The following ANO10 variants were observed in gnomAD, a reference collection of about 807,000 sequenced individuals.
ANO10 encodes anoctamin 10.
ANO10 carries 77 observed loss-of-function variants against 74.7 expected under a neutral mutation model. That is an observed-to-expected ratio of 1.03 (90% CI 0.86 to 1.25). The LOEUF is 1.25. ANO10 is among the 50% of genes most tolerant of loss of function. The pLI, the probability that ANO10 is intolerant of heterozygous loss-of-function variation, is 0.00. For synonymous variants in ANO10, 279 were observed against 284.9 expected, an observed-to-expected ratio of 0.98 and a Z score of 0.21; for missense variants, 721 against 778.1, an observed-to-expected ratio of 0.93 and a Z score of 0.87.
At chr3:43,381,982 T>C (rs973898455) in intron 12 of ANO10, among the ~76,000 whole-genome samples, 1 of 152,134 alleles carries the variant, frequency 6.6e-6, no homozygotes, top group South Asian at 2.1e-4. Flanking sequence ...GGGTCAACAA[T>C]GAAATCAAGA....
intron 12 of ANO10, among the ~76,000 whole-genome samples, chr3:43,401,590 T>A (rs2092482773): frequency 6.6e-6 from 1 of 152,216 alleles, no homozygotes; most frequent in Non-Finnish European, 1.5e-5. Context: ...TCAGGCAAAA[T>A]GAACTATTAT....
chr3:43,436,327 A>G (rs918124215), intron 11 of ANO10, among the ~76,000 whole-genome samples: 2 of 152,226 alleles, frequency 1.3e-5, no homozygotes, highest in Admixed American at 6.5e-5. Context: ...ATTTGAAGAA[A>G]AACACTCAAA....
chr3:43,374,008 C>T (rs1018089447), intron 12 of ANO10, among the ~76,000 whole-genome samples: 5 of 152,194 alleles, frequency 3.3e-5, no homozygotes, highest in African/African-American at 1.2e-4. Flanking sequence ...CAAATATACA[C>T]GAAATCACCT....
chr3:43,682,041 C>T (rs2084208807), intron 1 of ANO10, among the ~76,000 whole-genome samples: 1 of 152,106 alleles, frequency 6.6e-6, no homozygotes, highest in African/African-American at 2.4e-5. Context: ...AGAGCAAACA[C>T]ATTCAAAAGC....
intron 4 of ANO10, among the ~76,000 whole-genome samples, chr3:43,597,600 CG>C (rs2082150849): frequency 6.6e-6 from 1 of 150,758 alleles, no homozygotes; most frequent in Admixed American, 6.6e-5. Context: ...CATCACACAC[CG>C]GGGCCTGTTG....
intron 12 of ANO10, among the ~76,000 whole-genome samples, chr3:43,414,111 C>G (rs1575715780): frequency 6.6e-6 from 1 of 152,074 alleles, no homozygotes; most frequent in East Asian, 1.9e-4. Context: ...CAAAGATAAA[C>G]AGAAGAAAAG....
At chr3:43,381,640 T>G (rs1379640703) in intron 12 of ANO10, among the ~76,000 whole-genome samples, 8 of 152,202 alleles carry the variant, frequency 5.3e-5, no homozygotes, top group African/African-American at 1.9e-4. Context: ...AATACTCCAC[T>G]GACAGCACTA....
intron 10 of ANO10, among the ~76,000 whole-genome samples, chr3:43,554,855 AC>A (rs567899839): frequency 7.9e-4 from 120 of 152,194 alleles, no homozygotes; most frequent in African/African-American, 2.8e-3. Context: ...CTCTGAGACC[AC>A]CCCAGGACTA....
chr3:43,645,426 T>C (rs914301467), intron 1 of ANO10, among the ~76,000 whole-genome samples: 5 of 151,304 alleles, frequency 3.3e-5, no homozygotes, highest in African/African-American at 1.2e-4. Flanking sequence ...GAGGCAGAGG[T>C]TGTAGTGAGC....
chr3:43,432,700 G>A lies in ANO10; in HGVS notation c.1825C>T (p.Leu609Phe), dbSNP rs760368409. The A allele has an allele frequency of 1.5e-5, 25 of 1,613,784 alleles. No individual in the cohort carries two copies. Among genetic ancestry groups the A allele is most frequent in the Non-Finnish European group, 1.6e-5 (19 of 1,179,838 alleles). Residue 609 changes from leucine to phenylalanine, a missense_variant, in exon 12 of 13, where the codon CTT (leucine) becomes TTT (phenylalanine). Transcript: ENST00000292246. The stretch of plus-strand genomic sequence containing the variant: ...GGCTTATCAGGTATGGCAAATGCAA[G>A]TATAAACTTTAAAGCCAGGAGTGCG... ...EHALLALKFI[L>F]AFAIPDKPRH... is the part of the protein sequence containing the mutation.
chr3:43,397,985 G>T (rs949122028), intron 12 of ANO10, among the ~76,000 whole-genome samples: 12 of 152,144 alleles, frequency 7.9e-5, no homozygotes, highest in African/African-American at 2.7e-4. Context: ...CATCTTGACA[G>T]GAAGCAGGAG....
At chr3:43,661,740 AG>A (rs1215923802) in intron 1 of ANO10, among the ~76,000 whole-genome samples, 1 of 152,196 alleles carries the variant, frequency 6.6e-6, no homozygotes, top group East Asian at 1.9e-4. Context: ...AGCAAAAAAA[AG>A]CAGGGGTTGC....
intron 11 of ANO10, among the ~76,000 whole-genome samples, chr3:43,452,356 G>A (rs182449307): frequency 1.5e-4 from 23 of 152,146 alleles, no homozygotes; most frequent in African/African-American, 3.4e-4. Context: ...CTTATCTCCC[G>A]TAGGCAACCA....
rs543021275 is a variant in ANO10, at chr3:43,601,983, G to A, written c.140-1402C>T. On this transcript the variant is annotated intron_variant, in intron 2 of 12. Coordinates refer to ENST00000292246, the MANE Select transcript of ANO10 (RefSeq NM_018075.5). ...TTCCAGCCATCAGCTGGGCACGGAG[G>A]GGACACCTGAAACAAGGCCATTCCT... 8.5e-5 allele frequency among the ~76,000 whole-genome samples: 13 copies of A among 152,310 alleles called. No homozygotes were observed. In the South Asian group the frequency reaches 2.3e-3, roughly 27 times the overall value.
chr3:43,428,075 A>C (rs1216143059), intron 12 of ANO10, among the ~76,000 whole-genome samples: 1 of 150,980 alleles, frequency 6.6e-6, no homozygotes, highest in African/African-American at 2.4e-5. Context: ...TTTGAGACAG[A>C]GTCTCACTCT....
At chr3:43,635,320 T>C (rs931403661) in intron 1 of ANO10, among the ~76,000 whole-genome samples, 1 of 152,186 alleles carries the variant, frequency 6.6e-6, no homozygotes, top group Non-Finnish European at 1.5e-5. Context: ...TGTCAAATGC[T>C]AATCGTCTGA....
chr3:43,439,986 T>C (rs2093135365), intron 11 of ANO10, among the ~76,000 whole-genome samples: 1 of 151,996 alleles, frequency 6.6e-6, no homozygotes, highest in African/African-American at 2.4e-5. Context: ...CAGTTTAAAC[T>C]ATAAGATATT....
At chr3:43,393,849 T>G (rs2125723172) in intron 12 of ANO10, among the ~76,000 whole-genome samples, 1 of 152,164 alleles carries the variant, frequency 6.6e-6, no homozygotes, top group Middle Eastern at 3.4e-3. Flanking sequence ...TTGGTCTCTC[T>G]CTCTACCCCT....
In ANO10 at chr3:43,555,282, C is replaced by A; in HGVS notation, c.1664G>T (p.Trp555Leu). The change falls in exon 10 of 13, where the codon TGG becomes TTG. Residue 555 changes from tryptophan to leucine, a missense_variant. Coordinates refer to ENST00000292246, the MANE Select transcript of ANO10 (RefSeq NM_018075.5). ...FSEPSANIGV[W>L]QLAFETMSVI... is the part of the protein sequence containing the mutation. Reference sequence around the variant, plus strand: ...ATTTTTTTCTCAAACAATTACCTGCCACACACCAATATTGGCTGAAGGTTC... The same window carrying A: ...ATTTTTTTCTCAAACAATTACCTGCAACACACCAATATTGGCTGAAGGTTC... 1 of 1,613,878 alleles carries A rather than the reference C, an allele frequency of 6.2e-7. No individual in the cohort carries two copies. Among genetic ancestry groups the A allele is most frequent in the South Asian group, 1.1e-5 (1 of 91,076 alleles).
Sources: gnomAD v4.1 joint callset for allele counts (sites outside exome capture counted in the v4.1 genomes callset) on GRCh38, gnomAD v4.1.1 for gene constraint, MANE v1.5 for transcripts, NCBI Gene and HGNC (gene_info 2026-07-23, HGNC 2026-07-21) for gene names.